CNTNAP3B: variants seen among roughly 807,000 people sequenced by gnomAD.
The protein encoded by CNTNAP3B is contactin associated protein family member 3B, also known as contactin-associated protein-like 3B.
CNTNAP3B carries 25 observed loss-of-function variants against 108.9 expected under a neutral mutation model. That is an observed-to-expected ratio of 0.23 (90% confidence interval 0.17 to 0.32). The LOEUF (loss-of-function observed/expected upper bound fraction) is 0.32. Among genes scored for constraint, CNTNAP3B ranks in the 10% least tolerant of loss-of-function variants. CNTNAP3B has a pLI of 1.00. For missense variants in CNTNAP3B, 252 were observed against 1,210.4 expected (o/e 0.21, Z 11.75); for synonymous variants, 103 against 473.4 (o/e 0.22, Z 10.16).
At position 42,091,939 on chromosome 9, in the gene CNTNAP3B, A is replaced by T. The variant is rs1242451197; in HGVS notation, c.196+12690T>A. Among the ~76,000 whole-genome samples the T allele has an allele frequency of 3.3e-5, 4 of 119,498 alleles. 2 individuals carry two copies. Among genetic ancestry groups the T allele is most frequent in the African/African-American group, 6.7e-5 (2 of 29,760 alleles). The allele number at this position is 119,498 out of a possible 152,430, so 78.4% of individuals were successfully genotyped here. A position where few individuals can be genotyped will look rare whatever the true frequency, so the allele number is the denominator to read the frequency against. ...CATAAAGCTAAGTTTTCTAAATATA[A>T]TGAAATGTAAAATTTTTAAAAAATC... On this transcript the variant is annotated intron_variant, in intron 2 of 23. Coordinates refer to ENST00000377561, the MANE Select transcript of CNTNAP3B (RefSeq NM_001201380.3).
intron 13 of CNTNAP3B, among the ~76,000 whole-genome samples, chr9:41,938,893 G>GT (rs1313020666): frequency 6.6e-6 from 1 of 152,244 alleles, no homozygotes; most frequent in Non-Finnish European, 1.5e-5. Flanking sequence ...ATTTTTGGAG[G>GT]TATTTGTTTT....
intron 12 of CNTNAP3B, among the ~76,000 whole-genome samples, chr9:41,954,571 A>T (rs1275624827): frequency 6.6e-6 from 1 of 152,302 alleles, no homozygotes; most frequent in Admixed American, 6.5e-5. Context: ...AAATTAAATT[A>T]TCACTCCACT....
intron 3 of CNTNAP3B, among the ~76,000 whole-genome samples, chr9:42,068,026 A>T (rs1421637766): frequency 2.1e-5 from 3 of 139,808 alleles, no homozygotes; most frequent in African/African-American, 8.5e-5. Context: ...ACCCCTGCTC[A>T]TCAGTATCTG....
At chr9:41,995,709 T>C (rs1165847690) in intron 7 of CNTNAP3B, among the ~76,000 whole-genome samples, 3 of 102,380 alleles carry the variant, frequency 2.9e-5, no homozygotes, top group Non-Finnish European at 5.6e-5. Context: ...CCAGTCTGGG[T>C]GACAGAGTGA....
chr9:42,029,021 G>A lies in CNTNAP3B; in HGVS notation c.391-15496C>T, dbSNP rs1826464122. ...TAAATTCAAGATGAATGCTTACTAT[G>A]CATGAAAAGTTAAATGTTGAGCTGG... On this transcript the variant is annotated intron_variant, in intron 3 of 23. Transcript: ENST00000377561. Among the ~76,000 whole-genome samples the A allele has an allele frequency of 3.4e-5, 5 of 149,240 alleles. No individual in the cohort carries two copies. In the South Asian group the frequency reaches 1.1e-3, roughly 32 times the overall value.
At chr9:42,098,763 T>C (rs1827963560) in intron 2 of CNTNAP3B, among the ~76,000 whole-genome samples, 1 of 128,362 alleles carries the variant, frequency 7.8e-6, no homozygotes, top group African/African-American at 3.2e-5. Context: ...TTCAGGACAA[T>C]CAGGCACAGA....
intron 17 of CNTNAP3B, among the ~76,000 whole-genome samples, chr9:41,921,600 G>T (rs1308654054): frequency 6.6e-6 from 1 of 152,288 alleles, no homozygotes; most frequent in Non-Finnish European, 1.5e-5. Flanking sequence ...TAGCTCCTAC[G>T]TTAGAATAGT....
chr9:41,946,015 G>T (rs1288120524), intron 13 of CNTNAP3B, among the ~76,000 whole-genome samples: 52 of 152,320 alleles, frequency 3.4e-4, no homozygotes, highest in African/African-American at 1.2e-3. Context: ...AATAATAAAG[G>T]GGTCAATATA....
intron 3 of CNTNAP3B, among the ~76,000 whole-genome samples, chr9:42,030,786 T>G (rs1300502345): frequency 0.013 from 269 of 21,396 alleles, no homozygotes; most frequent in Non-Finnish European, 0.017. Flanking sequence ...GAGAGAGAGA[T>G]GTGTGCGAGA....
chr9:42,121,339 A>G (rs1828457678), intron 1 of CNTNAP3B, among the ~76,000 whole-genome samples: 1 of 139,248 alleles, frequency 7.2e-6, no homozygotes, highest in Non-Finnish European at 1.5e-5. Flanking sequence ...AAAAGAGGCT[A>G]CCTGCACAAA....
At chr9:41,970,957 A>G (rs1401083312) in intron 9 of CNTNAP3B, among the ~76,000 whole-genome samples, 1 of 150,970 alleles carries the variant, frequency 6.6e-6, no homozygotes, top group East Asian at 1.9e-4. Flanking sequence ...AAAAATTTGC[A>G]GTCCAGAATG....
rs985279827 is a variant in CNTNAP3B, at chr9:42,033,350, T to A, written c.391-19825A>T. Among the ~76,000 whole-genome samples the A allele has an allele frequency of 6.0e-5, 9 of 150,472 alleles. No individual in the cohort carries two copies. The South Asian group carries it at 1.0e-3, about 17-fold the overall frequency. ...GAAAAGCTAATTTAGCTTATACAAA[T>A]TGAAAAGTAATATAAACTGTCTCTT... On this transcript the variant is annotated intron_variant, in intron 3 of 23. Coordinates refer to ENST00000377561, the MANE Select transcript of CNTNAP3B (RefSeq NM_001201380.3).
At chr9:42,055,064 C>T (rs1288574745) in intron 3 of CNTNAP3B, among the ~76,000 whole-genome samples, 3 of 140,314 alleles carry the variant, frequency 2.1e-5, no homozygotes, top group Admixed American at 2.1e-4. Context: ...GATTGGCTTT[C>T]ATCCTGGAGA....
chr9:42,026,663 A>C (rs1391660883), intron 3 of CNTNAP3B, among the ~76,000 whole-genome samples: 1 of 113,090 alleles, frequency 8.8e-6, no homozygotes, highest in Non-Finnish European at 1.8e-5. Context: ...ACCCATTCTA[A>C]ACATAATAGA....
intron 3 of CNTNAP3B, among the ~76,000 whole-genome samples, chr9:42,030,792 C>CGAGAGA (rs752901003): frequency 2.4e-5 from 1 of 41,986 alleles, no homozygotes; most frequent in African/African-American, 8.9e-5. Context: ...GAGATGTGTG[C>CGAGAGA]GAGAGAGAGA....
At chr9:41,958,987 C>T (rs540824562) in intron 12 of CNTNAP3B, among the ~76,000 whole-genome samples, 1 of 140,034 alleles carries the variant, frequency 7.1e-6, no homozygotes, top group South Asian at 2.3e-4. Context: ...ATCAAACATC[C>T]AACAATTCGT....
At chr9:41,935,410 T>G (rs1824126696) in intron 14 of CNTNAP3B, among the ~76,000 whole-genome samples, 1 of 152,298 alleles carries the variant, frequency 6.6e-6, no homozygotes, top group Non-Finnish European at 1.5e-5. Flanking sequence ...TATTATAAAC[T>G]TTCCACCAGG....
rs560959692 is a variant in CNTNAP3B, at chr9:42,119,306, A to C, written c.85+9704T>G. On this transcript the variant is annotated intron_variant, in intron 1 of 23. Transcript: ENST00000377561. ...AGGAACTCTTCAAGGAGAACTACAA[A>C]CCACTGCTCAATGAAATAAAAGAGG... Among the ~76,000 whole-genome samples the C allele has an allele frequency of 9.2e-4, 118 of 128,506 alleles. 25 individuals are homozygous for C. Among genetic ancestry groups the C allele is most frequent in the African/African-American group, 3.6e-3 (113 of 31,208 alleles). 84.3% of individuals were successfully genotyped at this position (128,506 alleles called of 152,430 possible).
intron 4 of CNTNAP3B, among the ~76,000 whole-genome samples, chr9:42,011,184 C>T: frequency 7.5e-6 from 1 of 132,916 alleles, no homozygotes; most frequent in East Asian, 2.3e-4. Flanking sequence ...CTTTATTCTG[C>T]AGTTGAGCAG....
Sources: gnomAD v4.1 joint callset for allele counts (sites outside exome capture counted in the v4.1 genomes callset) on GRCh38, gnomAD v4.1.1 for gene constraint, MANE v1.5 for transcripts, NCBI Gene and HGNC (gene_info 2026-07-23, HGNC 2026-07-21) for gene names.